ZFYVE26: variants seen among roughly 807,000 people sequenced by gnomAD.
The protein encoded by ZFYVE26 is zinc finger FYVE domain-containing protein 26.
ZFYVE26 carries 181 observed loss-of-function variants against 276.5 expected under a neutral mutation model. The ratio of observed to expected loss-of-function variants is 0.65; its 90% CI spans 0.58 to 0.74. The LOEUF is 0.74. ZFYVE26 is among the 30% of genes least tolerant of loss of function. The probability of loss-of-function intolerance (pLI) is 0.00; values close to 1 mark genes in which losing one functional copy is unlikely to be tolerated. For missense variants in ZFYVE26, 2,821 were observed against 3,097.9 expected (o/e 0.91, Z 2.12); for synonymous variants, 1,129 against 1,203.1 (o/e 0.94, Z 1.27).
chr14:67,808,691 A>G (rs1473215366), intron 4 of ZFYVE26, among the ~76,000 whole-genome samples: 1 of 152,080 alleles, frequency 6.6e-6, no homozygotes, highest in Non-Finnish European at 1.5e-5. Flanking sequence ...ACCTAATACA[A>G]GTGAAAGTCC....
chr14:67,759,087 T>C (rs902326811), intron 35 of ZFYVE26, among the ~76,000 whole-genome samples: 2 of 130,774 alleles, frequency 1.5e-5, no homozygotes, highest in African/African-American at 2.9e-5. Context: ...AAAAAAAAAA[T>C]AGAAAAAATT....
Position 67,816,021 on chromosome 14 carries a change from C to A in ZFYVE26, c.-58G>T. 7.1e-7 allele frequency: 1 copy of A among 1,405,688 alleles called. No homozygotes were observed. Among genetic ancestry groups the A allele is most frequent in the Non-Finnish European group, 9.7e-7 (1 of 1,029,758 alleles). 87.1% of individuals were successfully genotyped at this position (1,405,688 alleles called of 1,614,324 possible). On this transcript the variant is annotated 5_prime_UTR_variant, in exon 2 of 42. Coordinates refer to ENST00000347230, the MANE Select transcript of ZFYVE26 (RefSeq NM_015346.4). ...AAATGAGTTATGCCGAACACATTCT[C>A]AATGTTCTCATTCGCGGAGTACCTC... is the stretch of plus-strand genomic sequence containing the variant.
intron 35 of ZFYVE26, 163 bp downstream of exon 35, chr14:67,761,203 C>G (rs542549678): frequency 4.5e-5 from 33 of 733,020 alleles, no homozygotes; most frequent in Non-Finnish European, 7.5e-5. Context: ...CACTGAATAA[C>G]AGTTGTGCAG....
chr14:67,762,839 A>T lies in ZFYVE26; in HGVS notation c.6012-20T>A, dbSNP rs377422808. The T allele has an allele frequency of 2.5e-6, 4 of 1,613,312 alleles. No homozygotes were observed. Among genetic ancestry groups the T allele is most frequent in the Non-Finnish European group, 3.4e-6 (4 of 1,180,014 alleles). ...ATGTAGCTACAAGGAGGAAAAGGGC[A>T]AGGCCATGAGGCTCCCTAGTGTCTT... On this transcript the variant is annotated intron_variant, in intron 32 of 41. Coordinates refer to ENST00000347230, the MANE Select transcript of ZFYVE26 (RefSeq NM_015346.4).
intron 10 of ZFYVE26, among the ~76,000 whole-genome samples, chr14:67,801,708 A>G (rs1248172609): frequency 6.6e-6 from 1 of 152,262 alleles, no homozygotes. Flanking sequence ...CTATGAAGTA[A>G]GCATTGTTTT....
At position 67,772,007 on chromosome 14, in the gene ZFYVE26, C is replaced by T. The variant is rs549586602; in HGVS notation, c.5484+40G>A. Reference sequence around the variant, plus strand: ...GCTCATGAACTAGAATTCTCCTTTACCTTCTCCTGAGGGTGACAGTGGAGA... The same window carrying T: ...GCTCATGAACTAGAATTCTCCTTTATCTTCTCCTGAGGGTGACAGTGGAGA... On this transcript the variant is annotated intron_variant, in intron 28 of 41. Transcript: ENST00000347230. The T allele has an allele frequency of 6.2e-6, 10 of 1,603,836 alleles. No individual in the cohort carries two copies. In the South Asian group the frequency reaches 1.0e-4, roughly 16 times the overall value.
chr14:67,772,470 A>C (rs183585760), intron 27 of ZFYVE26, among the ~76,000 whole-genome samples: 71 of 152,342 alleles, frequency 4.7e-4, no homozygotes, highest in Non-Finnish European at 8.2e-4. Context: ...TCTAGACCTA[A>C]CTACAAGTGT....
chr14:67,750,941 T>A, intron 41 of ZFYVE26, 111 bp downstream of exon 41: 1 of 1,351,976 alleles, frequency 7.4e-7, no homozygotes, highest in Non-Finnish European at 1.1e-6. Context: ...ATACAGAAGC[T>A]GAGATACGGG....
At chr14:67,767,921 G>A (rs2039101618) in intron 30 of ZFYVE26, 81 bp from the exon 31 acceptor site, 2 of 1,594,462 alleles carry the variant, frequency 1.3e-6, no homozygotes, top group Admixed American at 3.3e-5. Flanking sequence ...GGCATGAGTT[G>A]CAGGTAGACA....
At chr14:67,755,020 C>T in intron 37 of ZFYVE26, 31 bp downstream of exon 37, 2 of 1,612,074 alleles carry the variant, frequency 1.2e-6, no homozygotes, top group South Asian at 1.1e-5. Context: ...CTTTCTGCCC[C>T]ACACCAATAG....
chr14:67,762,850 G>C, intron 32 of ZFYVE26, 31 bp from the exon 33 acceptor site: 3 of 1,612,278 alleles, frequency 1.9e-6, no homozygotes, highest in Non-Finnish European at 2.5e-6. Context: ...AGGCCATGAG[G>C]CTCCCTAGTG....
At chr14:67,731,207 CTTTT>C (rs71129853) in intron 13 of ZFYVE26, among the ~76,000 whole-genome samples, 5 of 90,610 alleles carry the variant, frequency 5.5e-5, no homozygotes, top group East Asian at 3.6e-4. Context: ...TTCTTTCTTT[CTTTT>C]TTTTTTTTTT....
Position 67,816,022 on chromosome 14 carries a change from A to G in ZFYVE26, c.-59T>C. On this transcript the variant is annotated 5_prime_UTR_variant, in exon 2 of 42. Transcript: ENST00000347230. ...AATGAGTTATGCCGAACACATTCTCAATGTTCTCATTCGCGGAGTACCTCC... is the reference window on the plus strand; with the variant it reads ...AATGAGTTATGCCGAACACATTCTCGATGTTCTCATTCGCGGAGTACCTCC... 2.1e-6 allele frequency: 3 copies of G among 1,407,780 alleles called. No homozygotes were observed. The allele number at this position is 1,407,780 out of a possible 1,614,324, so 87.2% of individuals were successfully genotyped here. A position where few individuals can be genotyped will look rare whatever the true frequency, so the allele number is the denominator to read the frequency against.
chr14:67,807,346 T>C (rs2040201834), intron 5 of ZFYVE26, 52 bp downstream of exon 5: 3 of 1,610,114 alleles, frequency 1.9e-6, no homozygotes, highest in South Asian at 1.1e-5. Flanking sequence ...CCAGCAAGGC[T>C]GGGCATACTG....
chr14:67,774,392 G>A (rs2039287401), intron 27 of ZFYVE26, among the ~76,000 whole-genome samples: 1 of 152,186 alleles, frequency 6.6e-6, no homozygotes, highest in East Asian at 1.9e-4. Flanking sequence ...CCAGCTACTC[G>A]GGAGGCTTAG....
chr14:67,750,816 T>A, intron 41 of ZFYVE26: 1 of 608,282 alleles, frequency 1.6e-6, no homozygotes, highest in Non-Finnish European at 3.0e-6. Flanking sequence ...AGGACATGTT[T>A]GTCTTGGGGA....
intron 13 of ZFYVE26, among the ~76,000 whole-genome samples, chr14:67,737,962 C>T (rs1398128663): frequency 3.3e-5 from 5 of 152,128 alleles, no homozygotes; most frequent in African/African-American, 7.2e-5. Context: ...TCAGAAGAAA[C>T]GCAAATGGCC....
At chr14:67,800,455 G>C (rs975706224) in intron 10 of ZFYVE26, among the ~76,000 whole-genome samples, 46 of 152,154 alleles carry the variant, frequency 3.0e-4, no homozygotes, top group African/African-American at 1.1e-3. Flanking sequence ...TTTTCAAACT[G>C]TATGTATTAA....
At chr14:67,739,378 G>A (rs2038388444) in intron 13 of ZFYVE26, among the ~76,000 whole-genome samples, 1 of 152,176 alleles carries the variant, frequency 6.6e-6, no homozygotes, top group Non-Finnish European at 1.5e-5. Context: ...CAAGACTGGA[G>A]CTGTGCTCCC....
Sources: allele counts gnomAD v4.1 joint callset (sites outside exome capture counted in the v4.1 genomes callset), GRCh38; gene constraint gnomAD v4.1.1; transcripts MANE v1.5; gene names NCBI Gene and HGNC (gene_info 2026-07-23, HGNC 2026-07-21).